The following PUS10 variants were observed in gnomAD, a reference collection of about 807,000 sequenced individuals.
The protein encoded by PUS10 is pseudouridine synthase 10, also known as tRNA pseudouridine synthase Pus10.
PUS10 carries 59 observed loss-of-function variants against 75.0 expected under a neutral mutation model. That is an observed-to-expected ratio of 0.79 (90% CI 0.64 to 0.98). The LOEUF (loss-of-function observed/expected upper bound fraction) is 0.98. Ranked by LOEUF, PUS10 falls within the 50% of genes least tolerant of loss-of-function variation. PUS10 has a pLI of 0.00. For missense variants in PUS10, 650 were observed against 614.4 expected (o/e 1.06, Z -0.61); for synonymous variants, 219 against 211.6 (o/e 1.03, Z -0.30).
intron 8 of PUS10, among the ~76,000 whole-genome samples, chr2:60,964,478 G>A (rs765802297): frequency 3.7e-4 from 57 of 152,254 alleles, no homozygotes; most frequent in Admixed American, 2.9e-3. Context: ...GACATGATAC[G>A]AGCTAAGAGT....
At chr2:60,968,565 A>G (rs2104394639) in intron 5 of PUS10, among the ~76,000 whole-genome samples, 1 of 152,268 alleles carries the variant, frequency 6.6e-6, no homozygotes, top group South Asian at 2.1e-4. Context: ...TACTAACCAC[A>G]GGTTAAAAAC....
chr2:60,965,487 A>G lies in PUS10; in HGVS notation c.616-3T>C, dbSNP rs1301059467. On this transcript the variant is annotated splice_region_variant and splice_polypyrimidine_tract_variant and intron_variant, in intron 6 of 17. Coordinates refer to ENST00000316752, the MANE Select transcript of PUS10 (RefSeq NM_144709.4). ...ACCACACTCACTTCAAACAAGCTCT[A>G]AAAATTATAAAGACAGTTTAAAAAT... The G allele has an allele frequency of 8.1e-6, 13 of 1,598,800 alleles. No homozygotes were observed. The highest frequency in any genetic ancestry group is 1.1e-5 in the Non-Finnish European group (13 of 1,174,448).
chr2:61,009,536 G>A (rs923655276), intron 2 of PUS10, among the ~76,000 whole-genome samples: 1 of 152,118 alleles, frequency 6.6e-6, no homozygotes, highest in African/African-American at 2.4e-5. Flanking sequence ...TACTAAGAAA[G>A]GTACACAAAT....
chr2:60,943,846 G>A (rs2104075904), intron 17 of PUS10, among the ~76,000 whole-genome samples: 1 of 151,966 alleles, frequency 6.6e-6, no homozygotes, highest in African/African-American at 2.4e-5. Flanking sequence ...ATTCCAGTGG[G>A]CAGTCAGTGT....
chr2:60,971,269 CAT>C (rs1676643666), intron 5 of PUS10, among the ~76,000 whole-genome samples: 1 of 151,552 alleles, frequency 6.6e-6, no homozygotes, highest in African/African-American at 2.4e-5. Flanking sequence ...GCATATAAAA[CAT>C]GTATTTACAT....
intron 4 of PUS10, among the ~76,000 whole-genome samples, chr2:60,984,361 G>C (rs935579385): frequency 1.6e-4 from 25 of 152,148 alleles, no homozygotes; most frequent in African/African-American, 6.0e-4. Context: ...AAATCAAATA[G>C]TACAAGTGTG....
At chr2:60,942,707 T>A (rs936469667) in intron 17 of PUS10, among the ~76,000 whole-genome samples, 1 of 152,144 alleles carries the variant, frequency 6.6e-6, no homozygotes, top group Non-Finnish European at 1.5e-5. Flanking sequence ...TTAAATTTTT[T>A]AAATGGTATT....
intron 4 of PUS10, among the ~76,000 whole-genome samples, chr2:61,001,158 T>C (rs903228240): frequency 1.3e-5 from 2 of 152,220 alleles, no homozygotes; most frequent in Admixed American, 1.3e-4. Context: ...ATCCATGCTT[T>C]TCATCTATTT....
intron 4 of PUS10, among the ~76,000 whole-genome samples, chr2:60,975,452 T>C (rs889669256): frequency 6.6e-6 from 1 of 152,112 alleles, no homozygotes; most frequent in African/African-American, 2.4e-5. Context: ...GACAGTATCA[T>C]AGTATTATAA....
chr2:60,970,854 G>A (rs927648429), intron 5 of PUS10, among the ~76,000 whole-genome samples: 1 of 152,090 alleles, frequency 6.6e-6, no homozygotes, highest in Non-Finnish European at 1.5e-5. Flanking sequence ...TTATGACATA[G>A]TTTTATAGTT....
chr2:60,977,316 G>A (rs1436291891), intron 4 of PUS10, among the ~76,000 whole-genome samples: 1 of 152,176 alleles, frequency 6.6e-6, no homozygotes, highest in Non-Finnish European at 1.5e-5. Context: ...AGTAAAGTTG[G>A]ACACTTTGGG....
chr2:60,987,690 A>C (rs1677808149), intron 4 of PUS10, among the ~76,000 whole-genome samples: 1 of 152,190 alleles, frequency 6.6e-6, no homozygotes, highest in South Asian at 2.1e-4. Context: ...TGGGATGCTG[A>C]AGCGGGCAGA....
chr2:61,000,628 A>C (rs1192113984), intron 4 of PUS10, among the ~76,000 whole-genome samples: 2 of 151,990 alleles, frequency 1.3e-5, no homozygotes, highest in Non-Finnish European at 2.9e-5. Flanking sequence ...CATCTCTCTT[A>C]CCATTATGTT....
intron 4 of PUS10, among the ~76,000 whole-genome samples, chr2:60,979,453 T>C (rs1479990402): frequency 6.6e-6 from 1 of 152,072 alleles, no homozygotes; most frequent in African/African-American, 2.4e-5. Flanking sequence ...AAGAGGAAGG[T>C]AAGAGAGGAA....
At chr2:60,961,228 C>G (rs1676007846) in intron 10 of PUS10, among the ~76,000 whole-genome samples, 1 of 152,128 alleles carries the variant, frequency 6.6e-6, no homozygotes, top group South Asian at 2.1e-4. Context: ...CTATTAAAAC[C>G]TAGGAAGTGT....
chr2:60,973,955 G>C (rs1676860320), intron 4 of PUS10, among the ~76,000 whole-genome samples: 1 of 152,118 alleles, frequency 6.6e-6, no homozygotes, highest in South Asian at 2.1e-4. Context: ...GAGAGCTGAA[G>C]AAACGATAGG....
chr2:60,960,396 T>C lies in PUS10; in HGVS notation c.996A>G (p.Ala332=). ...TATGAAGATCGTAACACTTACTCTC[T>C]GCTTTAAATACTGCCAACAGATGAT... ...ISDHLLAVFK[A]ESFNFSSSGR... Residue 332 remains alanine, a synonymous_variant, in exon 11 of 18, where the codon GCA becomes GCG. Coordinates refer to ENST00000316752, the MANE Select transcript of PUS10 (RefSeq NM_144709.4). 6.5e-7 allele frequency: 1 copy of C among 1,533,294 alleles called. No homozygotes were observed. Among genetic ancestry groups the C allele is most frequent in the Non-Finnish European group, 8.7e-7 (1 of 1,151,296 alleles). The allele number at this position is 1,533,294 out of a possible 1,614,324, so 95.0% of individuals were successfully genotyped here.
chr2:61,014,955 A>C (rs1679871629), intron 1 of PUS10, among the ~76,000 whole-genome samples: 1 of 152,164 alleles, frequency 6.6e-6, no homozygotes, highest in East Asian at 1.9e-4. Context: ...AGAACTCTTC[A>C]CCATAAAAAT....
At chr2:60,989,336 A>G (rs1426347818) in intron 4 of PUS10, among the ~76,000 whole-genome samples, 2 of 152,184 alleles carry the variant, frequency 1.3e-5, no homozygotes, top group African/African-American at 4.8e-5. Context: ...CTAGTAAAAG[A>G]ACAGAGTTTT....
Sources: gnomAD v4.1 joint callset for allele counts (sites outside exome capture counted in the v4.1 genomes callset) on GRCh38, gnomAD v4.1.1 for gene constraint, MANE v1.5 for transcripts, NCBI Gene and HGNC (gene_info 2026-07-23, HGNC 2026-07-21) for gene names.